KIFAP3: variants seen among roughly 807,000 people sequenced by gnomAD.
KIFAP3 encodes kinesin-associated protein 3.
KIFAP3 carries 68 observed loss-of-function variants against 106.5 expected under a neutral mutation model. The ratio of observed to expected loss-of-function variants is 0.64; its 90% CI spans 0.53 to 0.78. The LOEUF (loss-of-function observed/expected upper bound fraction) is 0.78, where lower values mean the gene tolerates loss of function less well. KIFAP3 is among the 30% of genes least tolerant of loss of function. The pLI is 0.00. For synonymous variants in KIFAP3, 320 were observed against 311.5 expected (o/e 1.03, Z -0.29); for missense variants, 780 against 941.8 (o/e 0.83, Z 2.25).
chr1:170,049,065 T>C (rs1226938621), intron 2 of KIFAP3, among the ~76,000 whole-genome samples: 1 of 152,226 alleles, frequency 6.6e-6, no homozygotes, highest in Non-Finnish European at 1.5e-5. Context: ...CAGCAAGCTA[T>C]GAACCACTGG....
chr1:170,074,126 A>G (rs971234123), intron 1 of KIFAP3, among the ~76,000 whole-genome samples: 9 of 148,178 alleles, frequency 6.1e-5, no homozygotes, highest in Middle Eastern at 3.2e-3. Context: ...GGAAGAGGCG[A>G]AAAAAAAAAC....
chr1:169,993,882 C>CA (rs890519512), intron 10 of KIFAP3, among the ~76,000 whole-genome samples: 3 of 151,174 alleles, frequency 2.0e-5, no homozygotes, highest in Non-Finnish European at 3.0e-5. Context: ...AAGACTGTCT[C>CA]AAAAAAAAAG....
intron 16 of KIFAP3, among the ~76,000 whole-genome samples, chr1:169,977,816 T>C (rs1393409001): frequency 6.6e-6 from 1 of 152,060 alleles, no homozygotes; most frequent in Non-Finnish European, 1.5e-5. Context: ...GCTTACAGTG[T>C]GTTAATAGAG....
chr1:170,006,276 C>T (rs6671989), intron 10 of KIFAP3, among the ~76,000 whole-genome samples: 3,397 of 152,170 alleles, frequency 0.022, 106 homozygotes, highest in African/African-American at 0.065. Context: ...CTCTAACCAC[C>T]CACCAAATAT....
intron 18 of KIFAP3, among the ~76,000 whole-genome samples, chr1:169,957,726 A>C (rs1163770531): frequency 6.6e-6 from 1 of 152,072 alleles, no homozygotes; most frequent in Non-Finnish European, 1.5e-5. Flanking sequence ...CTCCGGGTTC[A>C]AGCGATTCTC....
chr1:170,074,571 C>T lies in KIFAP3; in HGVS notation c.-104G>A. On this transcript the variant is annotated 5_prime_UTR_variant, in exon 1 of 20. Coordinates refer to ENST00000361580, the MANE Select transcript of KIFAP3 (RefSeq NM_014970.4). Reference sequence around the variant, plus strand: ...GTACCCTCACACCCAGAGGCGATGACAGTCCTGAGGCCTGCAAGGCGGGGC... The same window carrying T: ...GTACCCTCACACCCAGAGGCGATGATAGTCCTGAGGCCTGCAAGGCGGGGC... 1.3e-6 allele frequency: 2 copies of T among 1,585,258 alleles called. No homozygotes were observed. The highest frequency in any genetic ancestry group is 8.6e-7 in the Non-Finnish European group (1 of 1,166,014).
At chr1:170,044,835 G>A (rs1217457335) in intron 3 of KIFAP3, among the ~76,000 whole-genome samples, 1 of 152,160 alleles carries the variant, frequency 6.6e-6, no homozygotes, top group African/African-American at 2.4e-5. Context: ...ATTCCAAGGT[G>A]AACAGACAAC....
At chr1:169,961,774 T>C (rs1013196101) in intron 17 of KIFAP3, among the ~76,000 whole-genome samples, 2 of 152,216 alleles carry the variant, frequency 1.3e-5, no homozygotes, top group African/African-American at 4.8e-5. Context: ...ATTTTCCTTA[T>C]GATTTTCTTA....
intron 1 of KIFAP3, among the ~76,000 whole-genome samples, chr1:170,083,274 C>T (rs769961912): frequency 2.0e-5 from 3 of 152,186 alleles, no homozygotes; most frequent in Non-Finnish European, 4.4e-5. Context: ...ATAGAGATCT[C>T]AGAAGCCATC....
chr1:169,932,231 TG>T (rs1558173102), intron 19 of KIFAP3, among the ~76,000 whole-genome samples: 2 of 152,136 alleles, frequency 1.3e-5, no homozygotes, highest in African/African-American at 4.8e-5. Context: ...AAAATGTTTC[TG>T]ATGTTGAACA....
intron 18 of KIFAP3, among the ~76,000 whole-genome samples, chr1:169,960,149 CCAAT>C (rs774099059): frequency 6.6e-6 from 1 of 151,940 alleles, no homozygotes; most frequent in Non-Finnish European, 1.5e-5. Context: ...ACATAATCAT[CCAAT>C]CATTGATCAA....
chr1:169,955,514 G>C (rs191521448), intron 18 of KIFAP3, among the ~76,000 whole-genome samples: 7 of 152,142 alleles, frequency 4.6e-5, no homozygotes, highest in Non-Finnish European at 7.4e-5. Flanking sequence ...GGAAAGACAG[G>C]TAAGAGTTAA....
intron 19 of KIFAP3, among the ~76,000 whole-genome samples, chr1:169,932,951 A>G (rs1309936192): frequency 6.6e-6 from 1 of 152,022 alleles, no homozygotes; most frequent in Non-Finnish European, 1.5e-5. Flanking sequence ...TAATAGTCAA[A>G]TTACATTTGG....
intron 19 of KIFAP3, among the ~76,000 whole-genome samples, chr1:169,941,267 A>T (rs1020976715): frequency 2.6e-5 from 4 of 152,084 alleles, no homozygotes; most frequent in Non-Finnish European, 4.4e-5. Context: ...TGAGTGCTGC[A>T]CCTCTTTCCT....
chr1:169,955,894 A>G (rs999960737), intron 18 of KIFAP3, among the ~76,000 whole-genome samples: 1 of 152,158 alleles, frequency 6.6e-6, no homozygotes, highest in Admixed American at 6.5e-5. Context: ...AAAAAATGAA[A>G]TCATGGAAAA....
chr1:170,000,549 A>T (rs1667612963), intron 10 of KIFAP3, among the ~76,000 whole-genome samples: 1 of 152,180 alleles, frequency 6.6e-6, no homozygotes, highest in Non-Finnish European at 1.5e-5. Flanking sequence ...TAATTGCAAC[A>T]ATTATTGAAC....
chr1:169,947,319 G>C (rs759249158), intron 19 of KIFAP3, among the ~76,000 whole-genome samples: 5 of 151,868 alleles, frequency 3.3e-5, no homozygotes, highest in Admixed American at 6.6e-5. Context: ...GCCCGAATCA[G>C]AGCAACTTTT....
At chr1:169,944,410 GCAGAGCCCCA>G (rs1337564098) in intron 19 of KIFAP3, among the ~76,000 whole-genome samples, 1 of 152,164 alleles carries the variant, frequency 6.6e-6, no homozygotes, top group African/African-American at 2.4e-5. Flanking sequence ...ACTGGGAACC[GCAGAGCCCCA>G]CAGAGGGTGT....
chr1:170,064,399 G>A (rs1228459407), intron 1 of KIFAP3, among the ~76,000 whole-genome samples: 4 of 152,178 alleles, frequency 2.6e-5, no homozygotes, highest in African/African-American at 9.7e-5. Context: ...TTGTCACCTA[G>A]GCTGAAGTGC....
Sources: gnomAD v4.1 joint callset for allele counts (sites outside exome capture counted in the v4.1 genomes callset) on GRCh38, gnomAD v4.1.1 for gene constraint, MANE v1.5 for transcripts, NCBI Gene and HGNC (gene_info 2026-07-23, HGNC 2026-07-21) for gene names.